The following SDK1 variants were observed in gnomAD, a reference collection of about 807,000 sequenced individuals.
SDK1 encodes sidekick cell adhesion molecule 1, also known as protein sidekick-1.
In SDK1, 157 loss-of-function variants were observed where a neutral mutation model predicts 245.5. The observed-to-expected ratio is 0.64, with a 90% CI of 0.56 to 0.73. The LOEUF (loss-of-function observed/expected upper bound fraction) is 0.73. Among genes scored for constraint, SDK1 ranks in the 30% least tolerant of loss-of-function variants. The pLI is 0.00. For synonymous variants in SDK1, 1,647 were observed against 1,278.5 expected (o/e 1.29, Z -6.15); for missense variants, 3,583 against 3,002.3 (o/e 1.19, Z -4.52).
chr7:3,737,327 C>T (rs545672225), intron 4 of SDK1, among the ~76,000 whole-genome samples: 112 of 152,314 alleles, frequency 7.4e-4, no homozygotes, highest in African/African-American at 2.4e-3. Context: ...TGTGCTCTGC[C>T]GCTAGGCAGT....
intron 1 of SDK1, among the ~76,000 whole-genome samples, chr7:3,427,668 T>C (rs1407076590): frequency 6.6e-6 from 1 of 152,148 alleles, no homozygotes; most frequent in Non-Finnish European, 1.5e-5. Context: ...CATACTCCTT[T>C]CTAAGTTTGG....
chr7:3,620,504 T>C (rs947365724), intron 2 of SDK1, among the ~76,000 whole-genome samples: 8 of 152,134 alleles, frequency 5.3e-5, no homozygotes, highest in Non-Finnish European at 4.4e-5. Flanking sequence ...GGTTTCACCA[T>C]GTTGACCAGG....
intron 2 of SDK1, among the ~76,000 whole-genome samples, chr7:3,627,361 T>C (rs1224527000): frequency 2.6e-5 from 4 of 152,170 alleles, no homozygotes; most frequent in African/African-American, 9.7e-5. Flanking sequence ...ATAAGTACAA[T>C]GAGTCCCTGA....
Position 4,266,005 on chromosome 7 carries a change from G to T in SDK1, c.*621G>T, listed in dbSNP as rs755954355. ...CTGACGGCCAGGCAGGGATGCTAAG[G>T]TGTGGCTCAGCCGTCACTGTCTGTG... On this transcript the variant is annotated 3_prime_UTR_variant, in exon 45 of 45. Transcript: ENST00000404826. 9.1e-6 allele frequency: 9 copies of T among 985,560 alleles called. No individual in the cohort carries two copies. Among genetic ancestry groups the T allele is most frequent in the African/African-American group, 1.7e-5 (1 of 57,368 alleles). The allele number at this position is 985,560 out of a possible 1,614,324, so 61.1% of individuals were successfully genotyped here.
rs201508965 is a variant in SDK1, at chr7:4,101,868, GAGGGTCAGAGAA to G, written c.3325-8790_3325-8779del. Among the ~76,000 whole-genome samples, 862 of 152,268 alleles carry G rather than the reference GAGGGTCAGAGAA, an allele frequency of 5.7e-3. 8 individuals carry two copies. Among genetic ancestry groups the G allele is most frequent in the African/African-American group, 0.02 (826 of 41,536 alleles). On this transcript the variant is annotated intron_variant, in intron 22 of 44. Transcript: ENST00000404826. ...AAAGAGGAGGCAAGGACACACTCAGGAGGGTCAGAGAAAGGGCCAGATGGGGAGTGGAGGGAG... is the reference window on the plus strand; with the variant it reads ...AAAGAGGAGGCAAGGACACACTCAGGAGGGCCAGATGGGGAGTGGAGGGAG...
At position 3,679,951 on chromosome 7, in the gene SDK1, C is replaced by T. The variant is rs546025259; in HGVS notation, c.713+37846C>T. Among the ~76,000 whole-genome samples, 22 of 152,232 alleles carry T rather than the reference C, an allele frequency of 1.4e-4. No homozygotes were observed. In the South Asian group the frequency reaches 1.9e-3, roughly 13 times the overall value. On this transcript the variant is annotated intron_variant, in intron 4 of 44. Transcript: ENST00000404826. ...ACCTGTATTGACACAAAAATGCACA[C>T]GCAAATGTTCACAGAGGCTTTATTT...
chr7:3,551,055 G>A (rs1292807738), intron 1 of SDK1, among the ~76,000 whole-genome samples: 1 of 152,068 alleles, frequency 6.6e-6, no homozygotes, highest in Non-Finnish European at 1.5e-5. Flanking sequence ...ACCTATTTAA[G>A]GACCTAACCT....
chr7:3,881,951 A>G (rs528222098), intron 5 of SDK1, among the ~76,000 whole-genome samples: 135 of 152,272 alleles, frequency 8.9e-4, no homozygotes, highest in African/African-American at 3.0e-3. Flanking sequence ...CGCTGCTGAT[A>G]AAGACATACC....
In SDK1 at chr7:4,266,693, A is replaced by G; in HGVS notation, c.*1309A>G. ...GGCCATGCCTCCAGCCCCTCACGTC[A>G]TCTTTGCAACAGACGACTGGGCTGC... is the stretch of plus-strand genomic sequence containing the variant. On this transcript the variant is annotated 3_prime_UTR_variant, in exon 45 of 45. Coordinates refer to ENST00000404826, the MANE Select transcript of SDK1 (RefSeq NM_152744.4). The G allele has an allele frequency of 2.0e-6, 2 of 985,440 alleles. No individual in the cohort carries two copies. Among genetic ancestry groups the G allele is most frequent in the Non-Finnish European group, 2.4e-6 (2 of 829,938 alleles). The allele number at this position is 985,440 out of a possible 1,614,324, so 61.0% of individuals were successfully genotyped here. A position where few individuals can be genotyped will look rare whatever the true frequency, so the allele number is the denominator to read the frequency against.
In SDK1 at chr7:3,485,683, G is replaced by GTTTTTTTTTTTTTTTTTTTTTTTTTTT. The variant is rs71552309; in HGVS notation, c.299-133375_299-133374insTTTTTTTTTTTTTTTTTTTTTTTTTTT. On this transcript the variant is annotated intron_variant, in intron 1 of 44. Coordinates refer to ENST00000404826, the MANE Select transcript of SDK1 (RefSeq NM_152744.4). ...GTGCTGAGGGGATGATCTTTGGAGG[G>GTTTTTTTTTTTTTTTTTTTTTTTTTTT]TTTTTTTTTTTTTTTTTTTTTTGAG... is the stretch of plus-strand genomic sequence containing the variant. Among the ~76,000 whole-genome samples the GTTTTTTTTTTTTTTTTTTTTTTTTTTT allele has an allele frequency of 3.1e-4, 12 of 38,172 alleles. 1 individual carries two copies. The highest frequency in any genetic ancestry group is 1.8e-3 in the East Asian group (2 of 1,112). 25.0% of individuals were successfully genotyped at this position (38,172 alleles called of 152,430 possible). A position where few individuals can be genotyped will look rare whatever the true frequency, so the allele number is the denominator to read the frequency against.
intron 22 of SDK1, among the ~76,000 whole-genome samples, chr7:4,090,791 A>G (rs1399899623): frequency 6.6e-6 from 1 of 152,176 alleles, no homozygotes; most frequent in Non-Finnish European, 1.5e-5. Context: ...ATGTACATAT[A>G]TCTATAGCTA....
At chr7:3,564,215 T>C (rs1779835783) in intron 1 of SDK1, among the ~76,000 whole-genome samples, 1 of 151,522 alleles carries the variant, frequency 6.6e-6, no homozygotes, top group Admixed American at 6.6e-5. Context: ...CAGAAAGCAA[T>C]GAAATACAGA....
At chr7:4,184,849 G>T (rs1782792979) in intron 35 of SDK1, among the ~76,000 whole-genome samples, 1 of 152,164 alleles carries the variant, frequency 6.6e-6, no homozygotes, top group South Asian at 2.1e-4. Context: ...GCTGGATCCA[G>T]CGCCCCAGCA....
intron 4 of SDK1, among the ~76,000 whole-genome samples, chr7:3,731,117 G>T (rs1360371379): frequency 2.6e-5 from 4 of 152,134 alleles, no homozygotes; most frequent in Admixed American, 1.3e-4. Flanking sequence ...AGGTGTTTCT[G>T]CTAGTCTGCA....
chr7:3,867,547 G>C (rs1047053898), intron 5 of SDK1, among the ~76,000 whole-genome samples: 32 of 152,168 alleles, frequency 2.1e-4, no homozygotes, highest in Non-Finnish European at 3.5e-4. Flanking sequence ...GGTGGCTGCA[G>C]GCAAAGAGAG....
At chr7:3,974,578 C>G in intron 13 of SDK1, 33 bp downstream of exon 13, 1 of 1,598,610 alleles carries the variant, frequency 6.3e-7, no homozygotes, top group Non-Finnish European at 8.6e-7. Context: ...TTAGCCAGTC[C>G]GCGGTTTTCT....
rs113084758 is a variant in SDK1, at chr7:3,945,609, T to C, written c.848-5314T>C. ...CCAAAAGACCAGTTAGAAGATAAAG[T>C]TGAGGGCCGGGCTTGGTGGCTCACG... On this transcript the variant is annotated intron_variant, in intron 5 of 44. Coordinates refer to ENST00000404826, the MANE Select transcript of SDK1 (RefSeq NM_152744.4). Among the ~76,000 whole-genome samples the C allele has an allele frequency of 8.1e-3, 1,228 of 152,166 alleles. 23 individuals are homozygous for C. The highest frequency in any genetic ancestry group is 0.028 in the African/African-American group (1,156 of 41,520).
chr7:3,348,924 A>G (rs1343494179), intron 1 of SDK1, among the ~76,000 whole-genome samples: 1 of 152,294 alleles, frequency 6.6e-6, no homozygotes, highest in East Asian at 1.9e-4. Context: ...TGCCTGTCAC[A>G]TGAAAGAGTT....
chr7:3,813,478 A>G (rs1017943585), intron 4 of SDK1, among the ~76,000 whole-genome samples: 18 of 139,936 alleles, frequency 1.3e-4, no homozygotes, highest in Non-Finnish European at 2.3e-4. Flanking sequence ...TCCATGGTGT[A>G]TATGTGCCAC....
Sources: allele counts gnomAD v4.1 joint callset (sites outside exome capture counted in the v4.1 genomes callset), GRCh38; gene constraint gnomAD v4.1.1; transcripts MANE v1.5; gene names NCBI Gene and HGNC (gene_info 2026-07-23, HGNC 2026-07-21).